Variants in FYN observed in about 807,000 individuals in gnomAD.
FYN encodes tyrosine-protein kinase Fyn.
Under a neutral mutation model 70.2 loss-of-function variants are expected in FYN, and 10 were observed. That is an observed-to-expected ratio of 0.14 (90% confidence interval 0.09 to 0.24). The LOEUF (loss-of-function observed/expected upper bound fraction) is 0.24. FYN is among the 10% of genes least tolerant of loss of function. The pLI is 1.00. For synonymous variants in FYN, 236 were observed against 248.6 expected (o/e 0.95, Z 0.48); for missense variants, 319 against 673.1 (o/e 0.47, Z 5.82).
chr6:111,731,238 T>G (rs1447917680), intron 3 of FYN, among the ~76,000 whole-genome samples: 1 of 152,216 alleles, frequency 6.6e-6, no homozygotes, highest in Admixed American at 6.5e-5. Flanking sequence ...AAACAGTGCA[T>G]TCTTTTTCTC....
At chr6:111,845,495 G>C (rs1324019634) in intron 2 of FYN, among the ~76,000 whole-genome samples, 5 of 152,216 alleles carry the variant, frequency 3.3e-5, no homozygotes, top group Non-Finnish European at 5.9e-5. Flanking sequence ...CTAGGTGCCT[G>C]CATGGGGTCA....
chr6:111,758,152 T>C (rs1802826580), intron 3 of FYN, among the ~76,000 whole-genome samples: 1 of 152,204 alleles, frequency 6.6e-6, no homozygotes, highest in Non-Finnish European at 1.5e-5. Flanking sequence ...TGATTTTCTG[T>C]TTGATTAAAT....
At chr6:111,708,386 T>C (rs966450671) in intron 5 of FYN, among the ~76,000 whole-genome samples, 1 of 152,164 alleles carries the variant, frequency 6.6e-6, no homozygotes, top group Non-Finnish European at 1.5e-5. Flanking sequence ...CTGCAGATCA[T>C]CTGGGAAGGG....
intron 2 of FYN, among the ~76,000 whole-genome samples, chr6:111,785,661 CT>C (rs1318288480): frequency 6.6e-6 from 1 of 151,510 alleles, no homozygotes; most frequent in Non-Finnish European, 1.5e-5. Context: ...AATTTTTTTT[CT>C]TTTTTTCTTT....
At chr6:111,668,889 CT>C (rs1346533807) in intron 13 of FYN, among the ~76,000 whole-genome samples, 1 of 152,142 alleles carries the variant, frequency 6.6e-6, no homozygotes, top group Non-Finnish European at 1.5e-5. Context: ...AGTCCTAACC[CT>C]TTCTTCTCCC....
rs1172596978 is a variant in FYN, at chr6:111,694,788, G to GT, written c.1043-85dup. Reference sequence around the variant, plus strand: ...GCTGTATTTGGTTTTCTTATTAAAAGTAATAAGGTAGTCAAATGGAATAAT... The same window carrying GT: ...GCTGTATTTGGTTTTCTTATTAAAAGTTAATAAGGTAGTCAAATGGAATAAT... On this transcript the variant is annotated intron_variant, in intron 10 of 13. Transcript: ENST00000354650. This position sits in a 1 kb window ranked among gnomAD's most constrained non-coding sequence, Gnocchi z 5.0. 4.2e-6 allele frequency: 5 copies of GT among 1,193,784 alleles called. No homozygotes were observed. In the African/African-American group the frequency reaches 7.6e-5, roughly 18 times the overall value. 73.9% of individuals were successfully genotyped at this position (1,193,784 alleles called of 1,614,324 possible).
chr6:111,832,921 A>C (rs1773066513), intron 2 of FYN, among the ~76,000 whole-genome samples: 1 of 152,196 alleles, frequency 6.6e-6, no homozygotes, highest in Non-Finnish European at 1.5e-5. Flanking sequence ...CAGAAATAAC[A>C]AGTTAAAAAA....
At chr6:111,777,357 C>CTTTTTTTTTTTTTTTTTTTT (rs1562517057) in intron 3 of FYN, among the ~76,000 whole-genome samples, 2 of 152,060 alleles carry the variant, frequency 1.3e-5, no homozygotes, top group African/African-American at 4.8e-5. Flanking sequence ...AAGATATTTC[C>CTTTTTTTTTTTTTTTTTTTT]ATTTTTAAAC....
chr6:111,799,033 C>T (rs111701565), intron 2 of FYN, among the ~76,000 whole-genome samples: 351 of 152,250 alleles, frequency 2.3e-3, no homozygotes, highest in African/African-American at 7.7e-3. Context: ...GATCTTGAAA[C>T]GTTCAGGAAC....
At chr6:111,800,921 AAAG>A (rs1340203453) in intron 2 of FYN, among the ~76,000 whole-genome samples, 1 of 152,246 alleles carries the variant, frequency 6.6e-6, no homozygotes, top group Non-Finnish European at 1.5e-5. Context: ...TGATTTAAGA[AAAG>A]AATAGAGCAA....
chr6:111,804,297 G>A lies in FYN; in HGVS notation c.-81-23662C>T, dbSNP rs143884219. On this transcript the variant is annotated intron_variant, in intron 2 of 13. Coordinates refer to ENST00000354650, the MANE Select transcript of FYN (RefSeq NM_002037.5). ...CCCTCAGATTTTATGGGGGAACTGGGGGGAACTGGGGAACAGAGACCTCAG... is the reference window on the plus strand; with the variant it reads ...CCCTCAGATTTTATGGGGGAACTGGAGGGAACTGGGGAACAGAGACCTCAG... Among the ~76,000 whole-genome samples, 701 of 152,226 alleles carry A rather than the reference G, an allele frequency of 4.6e-3. 8 individuals carry two copies. Among genetic ancestry groups the A allele is most frequent in the Middle Eastern group, 0.014 (4 of 294 alleles).
chr6:111,811,645 T>TG (rs1377102583), intron 2 of FYN, among the ~76,000 whole-genome samples: 15 of 152,092 alleles, frequency 9.9e-5, no homozygotes, highest in African/African-American at 3.6e-4. Flanking sequence ...TTACATATGA[T>TG]GGGGCAGGGG....
At chr6:111,687,819 T>A (rs1799089493) in intron 12 of FYN, among the ~76,000 whole-genome samples, 1 of 152,180 alleles carries the variant, frequency 6.6e-6, no homozygotes, top group African/African-American at 2.4e-5. Flanking sequence ...TAACTATTAT[T>A]ATCCCTATTT....
At chr6:111,789,028 T>C (rs1013183074) in intron 2 of FYN, among the ~76,000 whole-genome samples, 2 of 151,380 alleles carry the variant, frequency 1.3e-5, no homozygotes, top group African/African-American at 4.9e-5. Context: ...TGAGTGGGAG[T>C]AAACAGCAGA....
chr6:111,846,365 T>G (rs1483672952), intron 2 of FYN, among the ~76,000 whole-genome samples: 1 of 152,124 alleles, frequency 6.6e-6, no homozygotes, highest in African/African-American at 2.4e-5. Flanking sequence ...CAGAATTGAG[T>G]GTTACAACTA....
At chr6:111,745,457 G>C (rs1481657325) in intron 3 of FYN, among the ~76,000 whole-genome samples, 1 of 152,178 alleles carries the variant, frequency 6.6e-6, no homozygotes, top group Non-Finnish European at 1.5e-5. Flanking sequence ...CAAGGGGATG[G>C]GCAGGGTGCT....
intron 2 of FYN, among the ~76,000 whole-genome samples, chr6:111,841,013 C>A (rs1276566834): frequency 6.6e-6 from 1 of 152,162 alleles, no homozygotes; most frequent in Non-Finnish European, 1.5e-5. Context: ...GTAACGTGGG[C>A]AGCATTTCTC....
intron 1 of FYN, among the ~76,000 whole-genome samples, chr6:111,848,182 C>A (rs1773585612): frequency 1.3e-5 from 2 of 152,216 alleles, no homozygotes; most frequent in African/African-American, 4.8e-5. Context: ...TTGAACACTT[C>A]TGCAGAGGCT....
intron 1 of FYN, among the ~76,000 whole-genome samples, chr6:111,869,862 CATTTGAAACATAAA>C (rs1253159444): frequency 6.6e-6 from 1 of 152,194 alleles, no homozygotes; most frequent in Non-Finnish European, 1.5e-5. Flanking sequence ...GAATTGGCAA[CATTTGAAACATAAA>C]ATTTGAAACA....
Sources: gnomAD v4.1 joint callset for allele counts (sites outside exome capture counted in the v4.1 genomes callset) on GRCh38, gnomAD v4.1.1 for gene constraint, Gnocchi (gnomAD v3.1) non-coding constraint, MANE v1.5 for transcripts, NCBI Gene and HGNC (gene_info 2026-07-23, HGNC 2026-07-21) for gene names.